ACO2: variants seen among roughly 807,000 people sequenced by gnomAD.
ACO2 encodes aconitase 2.
Under a neutral mutation model 84.5 loss-of-function variants are expected in ACO2, and 31 were observed. The observed-to-expected ratio is 0.37, with a 90% CI of 0.28 to 0.50. The LOEUF (loss-of-function observed/expected upper bound fraction) is 0.50. ACO2 is among the 20% of genes least tolerant of loss of function. The pLI is 0.97. For synonymous variants in ACO2, 414 were observed against 412.7 expected (o/e 1.00, Z -0.04); for missense variants, 685 against 1,029.3 (o/e 0.67, Z 4.58).
intron 1 of ACO2, 97 bp from the exon 2 acceptor site, chr22:41,499,628 CT>C (rs2066339321): frequency 7.3e-7 from 1 of 1,377,804 alleles, no homozygotes; most frequent in African/African-American, 1.4e-5. Flanking sequence ...GCTCTTGACA[CT>C]TTAATTCCTG....
chr22:41,481,495 GC>G (rs1303637144), intron 1 of ACO2, among the ~76,000 whole-genome samples: 1 of 152,240 alleles, frequency 6.6e-6, no homozygotes, highest in East Asian at 1.9e-4. Context: ...GCAGAAGCCT[GC>G]CCGAGAATAG....
intron 1 of ACO2, among the ~76,000 whole-genome samples, chr22:41,483,934 A>C (rs1332802261): frequency 6.6e-6 from 1 of 152,202 alleles, no homozygotes; most frequent in Non-Finnish European, 1.5e-5. Context: ...ATTAGACCTT[A>C]TGGGGAAGGA....
chr22:41,473,696 A>AT (rs2037973251), intron 1 of ACO2, among the ~76,000 whole-genome samples: 1 of 152,112 alleles, frequency 6.6e-6, no homozygotes, highest in African/African-American at 2.4e-5. Flanking sequence ...GGAACATGGC[A>AT]TTTTTAACTG....
At position 41,511,890 on chromosome 22, in the gene ACO2, A is replaced by G. The variant is rs769981366; in HGVS notation, c.447A>G (p.Glu149=). 5 of 1,609,418 alleles carry G rather than the reference A, an allele frequency of 3.1e-6. No individual in the cohort carries two copies. The South Asian group carries it at 5.5e-5, about 18-fold the overall frequency. The change falls in exon 4 of 18, where the codon GAA becomes GAG. Residue 149 remains glutamate, a synonymous_variant. Transcript: ENST00000216254. ...TGTCTCAATAGGACATCAACCAGGA[A>G]GTTTATAATTTCCTGGCAACTGCAG... ...DLRRAKDINQ[E]VYNFLATAGA...
rs565366612 is a variant in ACO2, at chr22:41,526,924, G to A, written c.1954-364G>A. 1.6e-4 allele frequency: 58 copies of A among 361,712 alleles called. No individual in the cohort carries two copies. In the South Asian group the frequency reaches 1.9e-3, roughly 12 times the overall value. 22.4% of individuals were successfully genotyped at this position (361,712 alleles called of 1,614,324 possible). On this transcript the variant is annotated intron_variant, in intron 15 of 17. Transcript: ENST00000216254. ...CTGGTGGCTGGGTGGGGCAGAGGGT[G>A]CTCCCAGGAAGGGGGCGCCTTGAGC...
rs553784755 is a variant in ACO2, at chr22:41,521,693, G to T, written c.1139-1137G>T. 13 of 152,102 alleles carry T rather than the reference G, an allele frequency of 8.5e-5. No individual in the cohort carries two copies. The East Asian group carries it at 2.3e-3, about 27-fold the overall frequency. The allele number at this position is 152,102 out of a possible 1,614,324, so 9.4% of individuals were successfully genotyped here. A position where few individuals can be genotyped will look rare whatever the true frequency, so the allele number is the denominator to read the frequency against. ...ATTTTAAGAAAAAAAATATTTGGTG[G>T]TTTAATAATTAGAAAGTAAATTACT... On this transcript the variant is annotated intron_variant, in intron 9 of 17. Coordinates refer to ENST00000216254, the MANE Select transcript of ACO2 (RefSeq NM_001098.3).
chr22:41,522,997 CA>C lies in ACO2; in HGVS notation c.1296+11del, dbSNP rs2066539172. On this transcript the variant is annotated intron_variant, in intron 10 of 17. Transcript: ENST00000216254. ...TGAGCGGGACGGCTATGTGAGTGCC[CA>C]TATCCCCCTGCCCATCTCCCCCACC... 1 of 1,613,622 alleles carries C rather than the reference CA, an allele frequency of 6.2e-7. No homozygotes were observed. The highest frequency in any genetic ancestry group is 1.3e-5 in the African/African-American group (1 of 74,938).
rs113090938 is a variant in ACO2 at position 41,514,065 on chromosome 22, C to A, written c.526-1312C>A. 9.2e-5 allele frequency among the ~76,000 whole-genome samples: 14 copies of A among 152,354 alleles called. 3 individuals carry two copies. The highest frequency in any genetic ancestry group is 3.1e-4 in the African/African-American group (13 of 41,598). On this transcript the variant is annotated intron_variant, in intron 4 of 17. Coordinates refer to ENST00000216254, the MANE Select transcript of ACO2 (RefSeq NM_001098.3). ...GATGCACTAGTCTTAAATCCTTGTA[C>A]GTGGCAGCATTGGCCAGTTCTTCGC...
intron 1 of ACO2, among the ~76,000 whole-genome samples, chr22:41,474,151 C>A (rs1198594635): frequency 6.6e-6 from 1 of 151,724 alleles, no homozygotes; most frequent in Non-Finnish European, 1.5e-5. Flanking sequence ...GAGATGTATT[C>A]AAAATTGGGA....
chr22:41,492,905 C>G (rs1248827676), intron 1 of ACO2, among the ~76,000 whole-genome samples: 1 of 152,112 alleles, frequency 6.6e-6, no homozygotes, highest in African/African-American at 2.4e-5. Context: ...GATAGCGCCA[C>G]TGTACTCCAA....
chr22:41,499,621 C>G, intron 1 of ACO2, 105 bp from the exon 2 acceptor site: 1 of 1,313,480 alleles, frequency 7.6e-7, no homozygotes, highest in Non-Finnish European at 1.0e-6. Flanking sequence ...CTGAACAGCT[C>G]TTGACACTTT....
At chr22:41,528,398 G>GCCTGACCC (rs1569026962) in intron 17 of ACO2, 81 bp from the exon 18 acceptor site, 1 of 1,557,354 alleles carries the variant, frequency 6.4e-7, no homozygotes, top group African/African-American at 1.4e-5. Flanking sequence ...CCCAGGCAGT[G>GCCTGACCC]CCCTGTCTCC....
chr22:41,488,570 G>A (rs762860432), intron 1 of ACO2, among the ~76,000 whole-genome samples: 28 of 152,236 alleles, frequency 1.8e-4, no homozygotes, highest in South Asian at 6.2e-4. Flanking sequence ...GATCATAATC[G>A]AGTGCTGTTC....
In ACO2 at chr22:41,523,955, G is replaced by A. The variant is rs1176998424; in HGVS notation, c.1482+14G>A. The stretch of plus-strand genomic sequence containing the variant: ...ACGTCCCCAGAGGTGAGACTGCCCA[G>A]CTGCGCACAAGCCTGGGATGGCCTC... On this transcript the variant is annotated intron_variant, in intron 12 of 17. Transcript: ENST00000216254. 1.2e-6 allele frequency: 2 copies of A among 1,611,506 alleles called. No homozygotes were observed. The highest frequency in any genetic ancestry group is 1.7e-6 in the Non-Finnish European group (2 of 1,178,354).
At chr22:41,477,726 G>A (rs895026564) in intron 1 of ACO2, among the ~76,000 whole-genome samples, 6 of 152,184 alleles carry the variant, frequency 3.9e-5, no homozygotes, top group East Asian at 3.9e-4. Flanking sequence ...CAGATGGCCC[G>A]CGGCATCCAT....
chr22:41,514,586 G>A (rs1016119041), intron 4 of ACO2, among the ~76,000 whole-genome samples: 1 of 152,190 alleles, frequency 6.6e-6, no homozygotes, highest in Non-Finnish European at 1.5e-5. Flanking sequence ...AGCTTCAGGG[G>A]GCCAGTGCCT....
chr22:41,497,173 A>G (rs1725037901), intron 1 of ACO2, among the ~76,000 whole-genome samples: 1 of 151,754 alleles, frequency 6.6e-6, no homozygotes, highest in Non-Finnish European at 1.5e-5. Flanking sequence ...GGTTCAAGCA[A>G]TTCTCCTGCC....
intron 9 of ACO2, chr22:41,521,573 T>A (rs1444604616): frequency 6.6e-6 from 1 of 152,206 alleles, no homozygotes; most frequent in East Asian, 1.9e-4. Context: ...AAAATAAAGT[T>A]GTCTGGAGAA....
intron 1 of ACO2, among the ~76,000 whole-genome samples, chr22:41,470,528 C>CTTTTTTTTTTTT (rs71184811): frequency 1.5e-4 from 14 of 95,856 alleles, no homozygotes; most frequent in Non-Finnish European, 2.3e-4. Flanking sequence ...CTCTTTACAT[C>CTTTTTTTTTTTT]TTTTTTTTTT....
Sources: gnomAD v4.1 joint callset for allele counts (sites outside exome capture counted in the v4.1 genomes callset) on GRCh38, gnomAD v4.1.1 for gene constraint, MANE v1.5 for transcripts, NCBI Gene and HGNC (gene_info 2026-07-23, HGNC 2026-07-21) for gene names.